The following KLF3 variants were observed in gnomAD, a reference collection of about 807,000 sequenced individuals.
KLF3 encodes Krueppel-like factor 3.
In KLF3, 6 loss-of-function variants were observed where a neutral mutation model predicts 32.7. The observed-to-expected ratio is 0.18, with a 90% CI of 0.10 to 0.36. The LOEUF (loss-of-function observed/expected upper bound fraction) is 0.36. KLF3 is among the 10% of genes least tolerant of loss of function. KLF3 has a pLI of 1.00. For synonymous variants in KLF3, 145 were observed against 172.8 expected, an observed-to-expected ratio of 0.84 and a Z score of 1.26; for missense variants, 338 against 449.7, an observed-to-expected ratio of 0.75 and a Z score of 2.25.
At position 38,688,744 on chromosome 4, in the gene KLF3, C is replaced by T. The variant is rs375331147; in HGVS notation, c.217C>T (p.Pro73Ser). ...CACGGTGAACAAGCGGAGTTCACCCCCTTCGGCTGGGAATTCGCCCTCCTC... is the reference window on the plus strand; with the variant it reads ...CACGGTGAACAAGCGGAGTTCACCCTCTTCGGCTGGGAATTCGCCCTCCTC... ...DLTVNKRSSP[P>S]SAGNSPSSLK... Residue 73 changes from proline (P) to serine (S), a missense_variant, in exon 3 of 6, where the codon CCT (proline) becomes TCT (serine). Transcript: ENST00000261438. This position sits in a 1 kb window ranked among gnomAD's most constrained non-coding sequence, Gnocchi z 4.9. The T allele has an allele frequency of 5.6e-6, 9 of 1,614,214 alleles. No individual in the cohort carries two copies. Among genetic ancestry groups the T allele is most frequent in the Non-Finnish European group, 7.6e-6 (9 of 1,180,048 alleles).
In KLF3 at chr4:38,671,341, T is replaced by TG. The variant is rs1722192803; in HGVS notation, c.-40+6880_-40+6881insG. On this transcript the variant is annotated intron_variant, in intron 1 of 5. Transcript: ENST00000261438. This position sits in a 1 kb window ranked among gnomAD's most constrained non-coding sequence, Gnocchi z 4.4. ...CAAGCTGCCAATTTTTCTCAGCAGT[T>TG]ATATCGACAATGCAGGTGCACTGGC... 6.6e-6 allele frequency among the ~76,000 whole-genome samples: 1 copy of TG among 152,232 alleles called. No individual in the cohort carries two copies. Among genetic ancestry groups the TG allele is most frequent in the Non-Finnish European group, 1.5e-5 (1 of 68,042 alleles).
intron 5 of KLF3, 51 bp from the exon 6 acceptor site, chr4:38,697,031 T>C (rs749300343): frequency 6.8e-7 from 1 of 1,461,548 alleles, no homozygotes. Context: ...TCAAAGATCT[T>C]TACTACCTTT....
chr4:38,684,948 T>C (rs1279732799), intron 2 of KLF3, among the ~76,000 whole-genome samples: 1 of 152,228 alleles, frequency 6.6e-6, no homozygotes, highest in Non-Finnish European at 1.5e-5. Context: ...TGGACTGCTC[T>C]GTTCCAGGAC....
chr4:38,686,186 T>A (rs1722690321), intron 2 of KLF3, among the ~76,000 whole-genome samples: 1 of 152,120 alleles, frequency 6.6e-6, no homozygotes, highest in Non-Finnish European at 1.5e-5. Flanking sequence ...GGCTCATGTC[T>A]GTAATCCTAG....
At chr4:38,694,665 GTGT>G in intron 4 of KLF3, 78 bp from the exon 5 acceptor site, 1 of 1,230,968 alleles carries the variant, frequency 8.1e-7, no homozygotes, top group East Asian at 2.6e-5. Context: ...TTTTTGCCCA[GTGT>G]TGTTAATGCT....
At chr4:38,673,932 A>G (rs2615626) in intron 1 of KLF3, among the ~76,000 whole-genome samples, 7 of 152,130 alleles carry the variant, frequency 4.6e-5, no homozygotes, top group Non-Finnish European at 8.8e-5. Flanking sequence ...GCTTGTTAGC[A>G]GAGAGAGGAG....
chr4:38,676,960 T>G (rs7700045), intron 1 of KLF3, among the ~76,000 whole-genome samples: 5,395 of 147,422 alleles, frequency 0.037, 97 homozygotes, highest in South Asian at 0.087. Flanking sequence ...CAGTGTGTTT[T>G]TTTTTTTTTT....
intron 4 of KLF3, among the ~76,000 whole-genome samples, chr4:38,692,295 A>G (rs1031147788): frequency 2.0e-5 from 3 of 152,184 alleles, no homozygotes; most frequent in South Asian, 2.1e-4. Flanking sequence ...TGAGATCCCA[A>G]GACTCTTCAT....
intron 2 of KLF3, among the ~76,000 whole-genome samples, chr4:38,686,777 A>G (rs1722713339): frequency 6.6e-6 from 1 of 152,210 alleles, no homozygotes; most frequent in African/African-American, 2.4e-5. Flanking sequence ...GATCTTAACC[A>G]TGAGGACCTG....
chr4:38,689,020 C>T lies in KLF3; in HGVS notation c.493C>T (p.Leu165Phe). The T allele has an allele frequency of 3.7e-6, 6 of 1,614,252 alleles. No homozygotes were observed. Among genetic ancestry groups the T allele is most frequent in the Non-Finnish European group, 5.1e-6 (6 of 1,180,052 alleles). ...GTACACAAGTCACCTCCAGCAGCCT[C>T]TCATGGTCTCCTTATCGGAGGAGAT... is the stretch of plus-strand genomic sequence containing the variant. ...FMYTSHLQQP[L>F]MVSLSEEMEN... The change falls in exon 3 of 6, where the codon CTC becomes TTC. Residue 165 changes from leucine to phenylalanine, a missense_variant. By Grantham distance (22) the Leu-to-Phe change is conservative (BLOSUM62 0). Coordinates refer to ENST00000261438, the MANE Select transcript of KLF3 (RefSeq NM_016531.6).
chr4:38,700,099 A>G lies in KLF3; in HGVS notation c.*2836A>G, dbSNP rs1056557485. ...AGAGAAGTCAGAAGAATCAGAATCCATCGTATTTTAGAGTTATGTGAATCT... is the reference window on the plus strand; with the variant it reads ...AGAGAAGTCAGAAGAATCAGAATCCGTCGTATTTTAGAGTTATGTGAATCT... On this transcript the variant is annotated 3_prime_UTR_variant, in exon 6 of 6. Coordinates refer to ENST00000261438, the MANE Select transcript of KLF3 (RefSeq NM_016531.6). 6.6e-6 allele frequency: 1 copy of G among 152,212 alleles called. No individual in the cohort carries two copies. Among genetic ancestry groups the G allele is most frequent in the Non-Finnish European group, 1.5e-5 (1 of 68,036 alleles). The allele number at this position is 152,212 out of a possible 1,614,324, so 9.4% of individuals were successfully genotyped here.
At position 38,697,186 on chromosome 4, in the gene KLF3, C is replaced by G; in HGVS notation, c.961C>G (p.Gln321Glu). ...FRKHTGIKPFQCPDCDRSFSR... is the reference protein window; with the variant it reads ...FRKHTGIKPFECPDCDRSFSR... ...AAAACATACTGGAATCAAACCTTTCCAGTGCCCGGACTGTGACCGCAGCTT... is the reference window on the plus strand; with the variant it reads ...AAAACATACTGGAATCAAACCTTTCGAGTGCCCGGACTGTGACCGCAGCTT... Residue 321 changes from glutamine (Q) to glutamate (E), a missense_variant, in exon 6 of 6, where the codon CAG becomes GAG. Gln to Glu is a conservative substitution (Grantham distance 29). Around this residue, in one of 2 missense-constraint regions of KLF3, gnomAD observed 66 missense variants for 136.2 expected, o/e 0.48. Coordinates refer to ENST00000261438, the MANE Select transcript of KLF3 (RefSeq NM_016531.6). 1 of 1,614,118 alleles carries G rather than the reference C, an allele frequency of 6.2e-7. No individual in the cohort carries two copies. Among genetic ancestry groups the G allele is most frequent in the Non-Finnish European group, 8.5e-7 (1 of 1,179,998 alleles).
chr4:38,665,912 A>C (rs901017023), intron 1 of KLF3, among the ~76,000 whole-genome samples: 7 of 152,240 alleles, frequency 4.6e-5, no homozygotes, highest in Non-Finnish European at 7.3e-5. Context: ...GCTAGCATTA[A>C]TATCTACAAA....
At chr4:38,678,978 A>G (rs1490120594) in intron 1 of KLF3, among the ~76,000 whole-genome samples, 2 of 152,218 alleles carry the variant, frequency 1.3e-5, no homozygotes, top group East Asian at 3.8e-4. Flanking sequence ...TTGAACATTG[A>G]GCAGACTGAA....
rs138417483 is a variant in KLF3 at position 38,694,758 on chromosome 4, G to C, written c.708G>C (p.Ser236=). ...TTGGCTTTCACAGGAATCACCCTTC[G>C]GTCATCGTGCAGCCTGGGAAGAGAC... ...PQALLQENHP[S]VIVQPGKRPL... is the part of the protein sequence containing the mutation. Residue 236 remains serine, a synonymous_variant, in exon 5 of 6, where the codon TCG becomes TCC. Coordinates refer to ENST00000261438, the MANE Select transcript of KLF3 (RefSeq NM_016531.6). The C allele has an allele frequency of 1.3e-6, 2 of 1,566,984 alleles. No homozygotes were observed. Among genetic ancestry groups the C allele is most frequent in the South Asian group, 2.4e-5 (2 of 82,154 alleles).
intron 1 of KLF3, among the ~76,000 whole-genome samples, chr4:38,668,499 TATG>T (rs1378883627): frequency 6.6e-6 from 1 of 152,180 alleles, no homozygotes; most frequent in African/African-American, 2.4e-5. Flanking sequence ...AAATATAAAA[TATG>T]ATATTAAGAG....
In KLF3 at chr4:38,682,740, C is replaced by G. The variant is rs542121277; in HGVS notation, c.57+2058C>G. Among the ~76,000 whole-genome samples the G allele has an allele frequency of 6.6e-5, 10 of 152,204 alleles. No individual in the cohort carries two copies. In the South Asian group the frequency reaches 1.7e-3, roughly 25 times the overall value. ...GTGGAATAAAATGAATTTGAAGTAA[C>G]TGTTAAACTTGTATTGTTGTAACGT... On this transcript the variant is annotated intron_variant, in intron 2 of 5. Coordinates refer to ENST00000261438, the MANE Select transcript of KLF3 (RefSeq NM_016531.6).
In KLF3 at chr4:38,688,839, A is replaced by G. The variant is rs767752575; in HGVS notation, c.312A>G (p.Ile104Met). The G allele has an allele frequency of 6.2e-7, 1 of 1,614,096 alleles. No individual in the cohort carries two copies. Among genetic ancestry groups the G allele is most frequent in the Non-Finnish European group, 8.5e-7 (1 of 1,179,996 alleles). Residue 104 changes from isoleucine (I) to methionine (M), a missense_variant, in exon 3 of 6, where the codon ATA becomes ATG. Ile to Met is a conservative substitution (Grantham distance 10, BLOSUM62 1). Transcript: ENST00000261438. This position sits in a 1 kb window ranked among gnomAD's most constrained non-coding sequence, Gnocchi z 4.9. ...GCATGCCTTCTTCCAGCCCACCGAT[A>G]AAAAAATACTCACCCCCTTCTCCAG... Reference protein sequence around the residue: ...GLSMPSSSPPIKKYSPPSPGV... With the variant: ...GLSMPSSSPPMKKYSPPSPGV...
rs1017488009 is a variant in KLF3 at position 38,697,205 on chromosome 4, G to A, written c.980G>A (p.Arg327His). 4.3e-6 allele frequency: 7 copies of A among 1,613,998 alleles called. No individual in the cohort carries two copies. The highest frequency in any genetic ancestry group is 5.1e-6 in the Non-Finnish European group (6 of 1,179,950). Residue 327 changes from arginine to histidine, a missense_variant, in exon 6 of 6, where the codon CGC becomes CAC. This residue lies in a region of KLF3 where 66 missense variants were observed against 136.2 expected (regional missense o/e 0.48). Coordinates refer to ENST00000261438, the MANE Select transcript of KLF3 (RefSeq NM_016531.6). Reference protein sequence around the residue: ...IKPFQCPDCDRSFSRSDHLAL... With the variant: ...IKPFQCPDCDHSFSRSDHLAL... ...CCTTTCCAGTGCCCGGACTGTGACC[G>A]CAGCTTCTCCCGTTCTGACCATCTT...
Sources: gnomAD v4.1 joint callset for allele counts (sites outside exome capture counted in the v4.1 genomes callset) on GRCh38, gnomAD v4.1.1 for gene constraint, gnomAD v4.1.1 regional missense constraint, Gnocchi (gnomAD v3.1) non-coding constraint, MANE v1.5 for transcripts, NCBI Gene and HGNC (gene_info 2026-07-23, HGNC 2026-07-21) for gene names.